GRID2: variants seen among roughly 807,000 people sequenced by gnomAD.
GRID2 encodes the protein glutamate receptor ionotropic, delta-2.
Under a neutral mutation model 114.8 loss-of-function variants are expected in GRID2, and 33 were observed. That is an observed-to-expected ratio of 0.29 (90% confidence interval 0.22 to 0.38). The LOEUF is 0.38. GRID2 is among the 10% of genes least tolerant of loss of function. GRID2 has a pLI of 1.00. For synonymous variants in GRID2, 505 were observed against 449.9 expected, an observed-to-expected ratio of 1.12 and a Z score of -1.55; for missense variants, 1,184 against 1,257.7, an observed-to-expected ratio of 0.94 and a Z score of 0.89.
chr4:93,801,570 CCTT>C (rs1267047804), intron 1 of GRID2, among the ~76,000 whole-genome samples: 1 of 152,110 alleles, frequency 6.6e-6, no homozygotes, highest in Admixed American at 6.5e-5. Context: ...ATTAACTCCT[CCTT>C]CTATGTAGAC....
chr4:92,421,730 C>T (rs974979558), intron 1 of GRID2, among the ~76,000 whole-genome samples: 46 of 152,172 alleles, frequency 3.0e-4, no homozygotes, highest in African/African-American at 1.0e-3. Flanking sequence ...GAGAGTAATG[C>T]CCACTGCTTC....
At chr4:93,777,389 A>C (rs1461786096), downstream of GRID2, among the ~76,000 whole-genome samples, 1 of 152,200 alleles carries the variant, frequency 6.6e-6, no homozygotes, top group Non-Finnish European at 1.5e-5. Flanking sequence ...CATATCTAAG[A>C]GCTCTATCTT....
chr4:92,982,759 A>G, intron 2 of GRID2, among the ~76,000 whole-genome samples: 1 of 152,050 alleles, frequency 6.6e-6, no homozygotes. Flanking sequence ...TAGGGTAATA[A>G]AGAGAGAAAT....
chr4:92,961,224 A>G (rs1175462777), intron 2 of GRID2, among the ~76,000 whole-genome samples: 1 of 151,910 alleles, frequency 6.6e-6, no homozygotes, highest in Non-Finnish European at 1.5e-5. Flanking sequence ...TGATAAATTA[A>G]GAAAAAGGTA....
chr4:93,185,525 G>A (rs1430033487), intron 4 of GRID2, among the ~76,000 whole-genome samples: 1 of 152,036 alleles, frequency 6.6e-6, no homozygotes, highest in Non-Finnish European at 1.5e-5. Flanking sequence ...CTTTATAAGA[G>A]ATATATTTAA....
At chr4:93,199,134 C>T (rs773364756) in intron 4 of GRID2, among the ~76,000 whole-genome samples, 4 of 152,046 alleles carry the variant, frequency 2.6e-5, no homozygotes, top group East Asian at 1.9e-4. Flanking sequence ...CAACAAACAC[C>T]GCTTTTCCTA....
chr4:92,788,338 G>C (rs75902669), intron 2 of GRID2, among the ~76,000 whole-genome samples: 3,743 of 151,914 alleles, frequency 0.025, 102 homozygotes, highest in East Asian at 0.12. Context: ...AGGTGTTATA[G>C]AGTAATGAAG....
rs150589460 is a variant in GRID2, at chr4:92,705,642, G to C, written c.244+115356G>C. On this transcript the variant is annotated intron_variant, in intron 2 of 15. Transcript: ENST00000282020. ...GTCCTACCTACACTCTGGTTGCTCA[G>C]GGGAATTTAATTTGCCTATTTCATA... Among the ~76,000 whole-genome samples the C allele has an allele frequency of 3.3e-3, 495 of 152,268 alleles. 4 individuals are homozygous for C. Among genetic ancestry groups the C allele is most frequent in the African/African-American group, 0.011 (476 of 41,548 alleles).
chr4:92,395,165 A>G (rs191753020), intron 1 of GRID2, among the ~76,000 whole-genome samples: 171 of 151,794 alleles, frequency 1.1e-3, no homozygotes, highest in Admixed American at 3.2e-3. Context: ...ATTAGCTTAA[A>G]TACCCACATA....
intron 12 of GRID2, among the ~76,000 whole-genome samples, chr4:93,513,076 T>C (rs558587506): frequency 6.6e-6 from 1 of 152,280 alleles, no homozygotes; most frequent in East Asian, 1.9e-4. Flanking sequence ...AGTTTGATTG[T>C]TAGTACTGCC....
At chr4:93,709,896 A>C (rs770429020) in intron 14 of GRID2, among the ~76,000 whole-genome samples, 10 of 152,244 alleles carry the variant, frequency 6.6e-5, no homozygotes, top group Admixed American at 2.6e-4. Context: ...ATTTTTTAGC[A>C]CCAGAATTCA....
intron 2 of GRID2, among the ~76,000 whole-genome samples, chr4:92,887,433 C>A (rs979372016): frequency 2.0e-5 from 3 of 152,124 alleles, no homozygotes; most frequent in African/African-American, 7.2e-5. Flanking sequence ...CAGAGAAGTT[C>A]CTTTTAAGGT....
chr4:92,344,218 C>T (rs1011732348), intron 1 of GRID2, among the ~76,000 whole-genome samples: 2 of 152,228 alleles, frequency 1.3e-5, no homozygotes, highest in Non-Finnish European at 1.5e-5. Flanking sequence ...TTTCTGTAGG[C>T]ATGCCATCTG....
chr4:93,725,471 T>G (rs908859050), intron 14 of GRID2, among the ~76,000 whole-genome samples: 11 of 152,160 alleles, frequency 7.2e-5, no homozygotes, highest in African/African-American at 1.9e-4. Flanking sequence ...TATAGCAGCA[T>G]GATTTATAAT....
intron 1 of GRID2, among the ~76,000 whole-genome samples, chr4:92,540,007 C>G (rs941431458): frequency 6.6e-6 from 1 of 152,152 alleles, no homozygotes; most frequent in Non-Finnish European, 1.5e-5. Context: ...CTACAACCAT[C>G]TAATCTTTGA....
intron 2 of GRID2, among the ~76,000 whole-genome samples, chr4:93,041,312 T>A (rs1485213151): frequency 6.6e-6 from 1 of 152,178 alleles, no homozygotes; most frequent in East Asian, 1.9e-4. Context: ...CTGCTTAGAT[T>A]TCTTTTTTCT....
chr4:93,576,597 A>C (rs930532386), intron 13 of GRID2, among the ~76,000 whole-genome samples: 1 of 152,238 alleles, frequency 6.6e-6, no homozygotes, highest in Non-Finnish European at 1.5e-5. Flanking sequence ...TAAATTATCT[A>C]TATATTTTTC....
chr4:93,172,682 GA>G (rs1738958980), intron 4 of GRID2, among the ~76,000 whole-genome samples: 1 of 152,096 alleles, frequency 6.6e-6, no homozygotes, highest in South Asian at 2.1e-4. Flanking sequence ...ACACATTTGT[GA>G]ATGGGTTGAT....
intron 6 of GRID2, among the ~76,000 whole-genome samples, chr4:93,223,004 A>C (rs1745068503): frequency 6.6e-6 from 1 of 152,260 alleles, no homozygotes; most frequent in East Asian, 1.9e-4. Flanking sequence ...AAAGGAAGCA[A>C]GTTTCAGGCA....
Sources: gnomAD v4.1 joint callset for allele counts (sites outside exome capture counted in the v4.1 genomes callset) on GRCh38, gnomAD v4.1.1 for gene constraint, MANE v1.5 for transcripts, NCBI Gene and HGNC (gene_info 2026-07-23, HGNC 2026-07-21) for gene names.